RPAP1: variants seen among roughly 807,000 people sequenced by gnomAD.
The protein encoded by RPAP1 is RNA polymerase II-associated protein 1.
In RPAP1, 109 loss-of-function variants were observed where a neutral mutation model predicts 142.4. The ratio of observed to expected loss-of-function variants is 0.77; its 90% CI spans 0.66 to 0.90. The LOEUF (loss-of-function observed/expected upper bound fraction) is 0.90, where lower values mean the gene tolerates loss of function less well. RPAP1 is among the 40% of genes least tolerant of loss of function. RPAP1 has a pLI of 0.00. For missense variants in RPAP1, 1,546 were observed against 1,751.7 expected (o/e 0.88, Z 2.10); for synonymous variants, 704 against 738.9 (o/e 0.95, Z 0.77).
rs150273751 is a variant in RPAP1, at chr15:41,522,903, G to C, written c.2604C>G (p.Pro868=). 2 of 1,567,548 alleles carry C rather than the reference G, an allele frequency of 1.3e-6. No homozygotes were observed. Among genetic ancestry groups the C allele is most frequent in the East Asian group, 4.7e-5 (2 of 42,860 alleles). ...CCGAGCAGCCCAGTGACACGAGGCTGGGGGGAGCTTCAAGGGCTGGCACAC... is the reference window on the plus strand; with the variant it reads ...CCGAGCAGCCCAGTGACACGAGGCTCGGGGGAGCTTCAAGGGCTGGCACAC... The part of the protein sequence containing the change: ...LSCVPALEAP[P]SLVSLGCSGG... The change falls in exon 19 of 25, where the codon CCC becomes CCG. Residue 868 remains proline (P), a synonymous_variant. Coordinates refer to ENST00000304330, the MANE Select transcript of RPAP1 (RefSeq NM_015540.4).
chr15:41,533,210 C>T (rs2140780687), intron 6 of RPAP1: 1 of 152,254 alleles, frequency 6.6e-6, no homozygotes. Context: ...TGGCTCATGC[C>T]TGTAATCCCA....
intron 1 of RPAP1, among the ~76,000 whole-genome samples, chr15:41,542,728 A>G (rs565003827): frequency 2.0e-5 from 3 of 152,292 alleles, no homozygotes; most frequent in African/African-American, 7.2e-5. Flanking sequence ...AGATAACTGT[A>G]CCTACCTCCT....
In RPAP1 at chr15:41,517,614, C is replaced by T; in HGVS notation, c.4110G>A (p.Leu1370=). The change falls in exon 25 of 25, where the codon TTG becomes TTA. Residue 1370 remains leucine, a synonymous_variant. Coordinates refer to ENST00000304330, the MANE Select transcript of RPAP1 (RefSeq NM_015540.4). The part of the protein sequence containing the change: ...LPEGFELYSQ[L]PPLRQHYLQR... Reference sequence around the variant, plus strand: ...GGAGGTAGTGCTGACGCAGAGGGGGCAACTGAGAATAGAGCTCAAAGCCCT... The same window carrying T: ...GGAGGTAGTGCTGACGCAGAGGGGGTAACTGAGAATAGAGCTCAAAGCCCT... 1 of 1,610,898 alleles carries T rather than the reference C, an allele frequency of 6.2e-7. No individual in the cohort carries two copies. Among genetic ancestry groups the T allele is most frequent in the Non-Finnish European group, 8.5e-7 (1 of 1,178,338 alleles).
rs1022406153 is a variant in RPAP1, at chr15:41,523,984, C to T, written c.2235-12G>A. The stretch of plus-strand genomic sequence containing the variant: ...CCTCAGCAGAATCACTACAAAAGTG[C>T]CAAAGGGTGCCACAGTGAGGATCTG... On this transcript the variant is annotated splice_polypyrimidine_tract_variant and intron_variant, in intron 16 of 24. Coordinates refer to ENST00000304330, the MANE Select transcript of RPAP1 (RefSeq NM_015540.4). 6 of 1,613,384 alleles carry T rather than the reference C, an allele frequency of 3.7e-6. No individual in the cohort carries two copies. Among genetic ancestry groups the T allele is most frequent in the African/African-American group, 2.7e-5 (2 of 74,918 alleles).
rs762549422 is a variant in RPAP1, at chr15:41,517,668, G to A, written c.4056C>T (p.His1352=). ...GGAGCGTGGAATTGGGAAGCTTATA[G>A]TGCAGGAGGTGCTGCCGGAGACCCT... ...ADEGLRQHLL[H]YKLPNSTLPE... is the part of the protein sequence containing the mutation. The change falls in exon 25 of 25, where the codon CAC becomes CAT. Residue 1352 remains histidine (H), a synonymous_variant. Transcript: ENST00000304330. 6.2e-7 allele frequency: 1 copy of A among 1,612,796 alleles called. No homozygotes were observed. Among genetic ancestry groups the A allele is most frequent in the East Asian group, 2.2e-5 (1 of 44,840 alleles).
intron 21 of RPAP1, 52 bp from the exon 22 acceptor site, chr15:41,521,199 A>G (rs868592745): frequency 6.7e-7 from 1 of 1,494,528 alleles, no homozygotes; most frequent in Middle Eastern, 1.8e-4. Flanking sequence ...CAGCACTTGG[A>G]GGCTGTGCCA....
chr15:41,523,337 C>A lies in RPAP1; in HGVS notation c.2454G>T (p.Glu818Asp). 6.2e-7 allele frequency: 1 copy of A among 1,607,322 alleles called. No homozygotes were observed. The highest frequency in any genetic ancestry group is 1.1e-5 in the South Asian group (1 of 90,088). ...AWSQQPSSCP[E>D]DWLQDMQRLS... ...GGCGCTGCATGTCCTGGAGCCAATC[C>A]TCCGGGCATGAGCTTGGCTGGTGGA... Residue 818 changes from glutamate (E) to aspartate (D), a missense_variant, in exon 18 of 25, where the codon GAG becomes GAT. Glu to Asp is a conservative substitution (Grantham distance 45, BLOSUM62 2). Around this residue, in one of 3 missense-constraint regions of RPAP1, gnomAD observed 1,333 missense variants for 1,486.6 expected, o/e 0.90. Coordinates refer to ENST00000304330, the MANE Select transcript of RPAP1 (RefSeq NM_015540.4).
Position 41,520,470 on chromosome 15 carries a change from C to G in RPAP1, c.3716G>C (p.Arg1239Pro), listed in dbSNP as rs369007472. The change falls in exon 22 of 25, where the codon CGG (arginine) becomes CCG (proline). Residue 1239 changes from arginine to proline, a missense_variant. By Grantham distance (103) the Arg-to-Pro change is moderately radical (BLOSUM62 -2). Transcript: ENST00000304330. Reference protein sequence around the residue: ...GALVLLPLQRRFSVTLRLALF... With the variant: ...GALVLLPLQRPFSVTLRLALF... ...GGCAAGGCGCAAGGTGACACTGAAC[C>G]GACGCTGCAGGGGCAGGAGGACCAG... 5.9e-5 allele frequency: 95 copies of G among 1,613,968 alleles called. No homozygotes were observed. The highest frequency in any genetic ancestry group is 7.8e-5 in the Non-Finnish European group (92 of 1,180,004).
Position 41,536,456 on chromosome 15 carries a change from G to T in RPAP1, c.330+45C>A, listed in dbSNP as rs564930237. ...CCCACCCCGAGCATCCAATATCCCTGTTGCCCTAGAACATCTTATCCTACT... is the reference window on the plus strand; with the variant it reads ...CCCACCCCGAGCATCCAATATCCCTTTTGCCCTAGAACATCTTATCCTACT... On this transcript the variant is annotated intron_variant, in intron 3 of 24. Coordinates refer to ENST00000304330, the MANE Select transcript of RPAP1 (RefSeq NM_015540.4). 6.8e-6 allele frequency: 11 copies of T among 1,606,470 alleles called. No homozygotes were observed. In the African/African-American group the frequency reaches 8.0e-5, roughly 12 times the overall value.
At chr15:41,517,750 C>T (rs893968531) in intron 24 of RPAP1, 48 bp downstream of exon 24, 6 of 1,613,952 alleles carry the variant, frequency 3.7e-6, no homozygotes, top group Non-Finnish European at 5.1e-6. Flanking sequence ...TGGTCTCTGT[C>T]CCCCAAGATC....
At chr15:41,525,803 T>C (rs1218845150) in intron 14 of RPAP1, among the ~76,000 whole-genome samples, 3 of 151,526 alleles carry the variant, frequency 2.0e-5, no homozygotes, top group East Asian at 3.9e-4. Flanking sequence ...TACAGGCGCA[T>C]GCCACCACGC....
chr15:41,524,344 T>C (rs2051766615), intron 15 of RPAP1, 90 bp from the exon 16 acceptor site: 19 of 1,173,482 alleles, frequency 1.6e-5, no homozygotes, highest in Non-Finnish European at 2.1e-5. Flanking sequence ...GATCTGCAGT[T>C]TGATAAAGGA....
intron 1 of RPAP1, among the ~76,000 whole-genome samples, chr15:41,541,629 C>T (rs572151493): frequency 2.0e-5 from 3 of 152,192 alleles, no homozygotes; most frequent in South Asian, 2.1e-4. Flanking sequence ...AGGCAGATCA[C>T]GAGGTCAGAA....
chr15:41,529,390 G>A, intron 9 of RPAP1, 80 bp downstream of exon 9: 1 of 924,972 alleles, frequency 1.1e-6, no homozygotes, highest in South Asian at 1.4e-5. Context: ...CACACAGAAG[G>A]TCAAAGGCAG....
intron 6 of RPAP1, among the ~76,000 whole-genome samples, chr15:41,534,367 G>A (rs1186033629): frequency 1.3e-5 from 2 of 151,254 alleles, no homozygotes; most frequent in African/African-American, 2.4e-5. Flanking sequence ...GTGGTGAGCC[G>A]AGATTGTGCT....
chr15:41,520,849 C>T lies in RPAP1; in HGVS notation c.3337G>A (p.Ala1113Thr), dbSNP rs774890309. The T allele has an allele frequency of 7.0e-5, 113 of 1,613,716 alleles. 1 individual carries two copies. Among genetic ancestry groups the T allele is most frequent in the Admixed American group, 6.3e-4 (38 of 59,998 alleles). ...GAGAGTCCCGAGGGGGTGTCTGAAG[C>T]CCGGTGGTAGAGGCGAATCAGTGGC... Reference protein sequence around the residue: ...FLPLIRLYHRASDTPSGLSPT... With the variant: ...FLPLIRLYHRTSDTPSGLSPT... Residue 1113 changes from alanine to threonine, a missense_variant, in exon 22 of 25, where the codon GCT (alanine) becomes ACT (threonine). Ala to Thr is a moderately conservative substitution (Grantham distance 58, BLOSUM62 0). Transcript: ENST00000304330.
At chr15:41,538,801 A>G (rs886906575) in intron 1 of RPAP1, among the ~76,000 whole-genome samples, 1 of 152,224 alleles carries the variant, frequency 6.6e-6, no homozygotes, top group Non-Finnish European at 1.5e-5. Context: ...GTCAACAAAA[A>G]GGAATGAAGT....
In RPAP1 at chr15:41,522,879, C is replaced by T. The variant is rs140918996; in HGVS notation, c.2628G>A (p.Ser876=). The part of the protein sequence containing the change: ...APPSLVSLGC[S]GGCPRLSLAG... ...CCAGACTGAGACGGGGGCAGCCTCCCGAGCAGCCCAGTGACACGAGGCTGG... is the reference window on the plus strand; with the variant it reads ...CCAGACTGAGACGGGGGCAGCCTCCTGAGCAGCCCAGTGACACGAGGCTGG... Residue 876 remains serine, a synonymous_variant, in exon 19 of 25, where the codon TCG becomes TCA. Coordinates refer to ENST00000304330, the MANE Select transcript of RPAP1 (RefSeq NM_015540.4). 1,245 of 1,577,512 alleles carry T rather than the reference C, an allele frequency of 7.9e-4. 5 individuals carry two copies. Among genetic ancestry groups the T allele is most frequent in the Admixed American group, 9.8e-4 (48 of 48,850 alleles).
chr15:41,538,174 C>T (rs866417919), intron 1 of RPAP1, among the ~76,000 whole-genome samples: 5 of 152,000 alleles, frequency 3.3e-5, no homozygotes, highest in African/African-American at 7.3e-5. Context: ...ACCCGGGAGG[C>T]GGAGCTTGCA....
Sources: allele counts gnomAD v4.1 joint callset (sites outside exome capture counted in the v4.1 genomes callset), GRCh38; gene constraint gnomAD v4.1.1; regional missense constraint gnomAD v4.1.1; transcripts MANE v1.5; gene names NCBI Gene and HGNC (gene_info 2026-07-23, HGNC 2026-07-21).